GTF3C1: variants seen among roughly 807,000 people sequenced by gnomAD.
GTF3C1 encodes general transcription factor 3C polypeptide 1.
Under a neutral mutation model 226.7 loss-of-function variants are expected in GTF3C1, and 57 were observed. The ratio of observed to expected loss-of-function variants is 0.25; its 90% CI spans 0.20 to 0.31. The LOEUF (loss-of-function observed/expected upper bound fraction) is 0.31, where lower values mean the gene tolerates loss of function less well. Among genes scored for constraint, GTF3C1 ranks in the 10% least tolerant of loss-of-function variants. GTF3C1 has a pLI of 1.00. For missense variants in GTF3C1, 2,217 were observed against 2,776.1 expected (o/e 0.80, Z 4.53); for synonymous variants, 1,090 against 1,084.8 (o/e 1.00, Z -0.09).
chr16:27,509,790 CCTCTTT>C (rs2088546395), intron 7 of GTF3C1, among the ~76,000 whole-genome samples: 1 of 151,320 alleles, frequency 6.6e-6, no homozygotes, highest in African/African-American at 2.4e-5. Context: ...GAAGTATCTT[CCTCTTT>C]ATTTCCTGAT....
chr16:27,462,628 A>G lies in GTF3C1; in HGVS notation c.5925-142T>C. The stretch of plus-strand genomic sequence containing the variant: ...AGCCACCTCTTGCTCTCTGCTTTCC[A>G]AACTCCCTGCTTCTCTCCTGTCTGG... On this transcript the variant is annotated intron_variant, in intron 35 of 36. Transcript: ENST00000356183. This position sits in a 1 kb window ranked among gnomAD's most constrained non-coding sequence, Gnocchi z 4.5. 1.6e-6 allele frequency: 1 copy of G among 635,636 alleles called. No individual in the cohort carries two copies. The allele number at this position is 635,636 out of a possible 1,614,324, so 39.4% of individuals were successfully genotyped here.
At chr16:27,489,017 T>A in intron 21 of GTF3C1, 26 bp downstream of exon 21, 1 of 1,607,880 alleles carries the variant, frequency 6.2e-7, no homozygotes, top group South Asian at 1.1e-5. Context: ...CCCCTGAGAT[T>A]GTAGTCCGGT....
intron 1 of GTF3C1, among the ~76,000 whole-genome samples, 175 bp downstream of exon 1, chr16:27,549,495 G>A (rs959824589): frequency 6.6e-6 from 1 of 151,890 alleles, no homozygotes; most frequent in African/African-American, 2.4e-5. Context: ...TCGGACTCCA[G>A]GGCCCTGCCA....
rs926995584 is a variant in GTF3C1 at position 27,464,624 on chromosome 16, G to A, written c.5568C>T (p.Ser1856=). Residue 1856 remains serine, a synonymous_variant, in exon 34 of 37, where the codon AGC becomes AGT. Transcript: ENST00000356183. ...TGGCGCGCCTCTTGGTGCCCCGGGG[G>A]CTGTGAGAAGGAGGTGCCTGCCCCT... The part of the protein sequence containing the change: ...PPEGQAPPSH[S]PRGTKRRASW... 1.9e-5 allele frequency: 28 copies of A among 1,507,366 alleles called. No individual in the cohort carries two copies. The highest frequency in any genetic ancestry group is 8.0e-6 in the Non-Finnish European group (9 of 1,128,790). 93.4% of individuals were successfully genotyped at this position (1,507,366 alleles called of 1,614,324 possible). A position where few individuals can be genotyped will look rare whatever the true frequency, so the allele number is the denominator to read the frequency against.
In GTF3C1 at chr16:27,469,295, G is replaced by T; in HGVS notation, c.5070C>A (p.Pro1690=). 1 of 1,559,676 alleles carries T rather than the reference G, an allele frequency of 6.4e-7. No homozygotes were observed. The highest frequency in any genetic ancestry group is 1.2e-5 in the South Asian group (1 of 85,002). The change falls in exon 32 of 37, where the codon CCC becomes CCA. Residue 1690 remains proline, a synonymous_variant. Transcript: ENST00000356183. This position sits in a 1 kb window ranked among gnomAD's most constrained non-coding sequence, Gnocchi z 4.5. ...AGCACCAGCAGGAGCACTCACCAGCGGGCCTGAGCCGGGCGGGCACAGGGG... is the reference window on the plus strand; with the variant it reads ...AGCACCAGCAGGAGCACTCACCAGCTGGCCTGAGCCGGGCGGGCACAGGGG... ...RCTPVPARLR[P]AAAPLEELTM... is the part of the protein sequence containing the mutation.
intron 6 of GTF3C1, among the ~76,000 whole-genome samples, chr16:27,514,041 C>G (rs2088617161): frequency 6.6e-6 from 1 of 152,188 alleles, no homozygotes; most frequent in African/African-American, 2.4e-5. Context: ...GCCTGGAACT[C>G]AGGAGATGCC....
chr16:27,532,325 G>A (rs905025353), intron 5 of GTF3C1, among the ~76,000 whole-genome samples: 3 of 152,154 alleles, frequency 2.0e-5, no homozygotes, highest in Non-Finnish European at 2.9e-5. Context: ...TCGATGCAAC[G>A]TGGGGAAAGA....
intron 32 of GTF3C1, among the ~76,000 whole-genome samples, chr16:27,468,547 G>C (rs531346558): frequency 1.2e-3 from 177 of 152,320 alleles, no homozygotes; most frequent in African/African-American, 4.1e-3. Flanking sequence ...AAGAGCTAGA[G>C]ATGACAGTGA....
Position 27,486,076 on chromosome 16 carries a change from C to A in GTF3C1, c.3779G>T (p.Arg1260Leu). The A allele has an allele frequency of 6.2e-7, 1 of 1,609,078 alleles. No homozygotes were observed. The highest frequency in any genetic ancestry group is 8.5e-7 in the Non-Finnish European group (1 of 1,175,498). ...ADQSALQRMTRLRVTWSMQED... is the reference protein window; with the variant it reads ...ADQSALQRMTLLRVTWSMQED... ...CTGCATAGACCAGGTGACACGAAGC[C>A]GCGTCATCCGCTGCAGGGCACTCTG... Residue 1260 changes from arginine to leucine, a missense_variant, in exon 24 of 37, where the codon CGG (arginine) becomes CTG (leucine). Physicochemically the swap from Arg to Leu is moderately radical, Grantham distance 102 (BLOSUM62 -2). Around this residue, in one of 12 missense-constraint regions of GTF3C1, gnomAD observed 546 missense variants for 663.0 expected, o/e 0.82. Coordinates refer to ENST00000356183, the MANE Select transcript of GTF3C1 (RefSeq NM_001520.4).
rs925872245 is a variant in GTF3C1 at position 27,549,543 on chromosome 16, C to T, written c.221+127G>A. On this transcript the variant is annotated intron_variant, in intron 1 of 36. Coordinates refer to ENST00000356183, the MANE Select transcript of GTF3C1 (RefSeq NM_001520.4). ...CCCAGATTAGCCTTACCGCCGTGCC[C>T]CAACTCAATCAACAGGCCTCCGGTA... 17 of 643,632 alleles carry T rather than the reference C, an allele frequency of 2.6e-5. No homozygotes were observed. In the Admixed American group the frequency reaches 3.2e-4, roughly 12 times the overall value. 39.9% of individuals were successfully genotyped at this position (643,632 alleles called of 1,614,324 possible).
At chr16:27,543,148 G>A (rs1039577880) in intron 2 of GTF3C1, among the ~76,000 whole-genome samples, 1 of 152,224 alleles carries the variant, frequency 6.6e-6, no homozygotes, top group African/African-American at 2.4e-5. Context: ...CACTTTGGGA[G>A]GCCAAGGCGG....
Position 27,464,113 on chromosome 16 carries a change from G to A in GTF3C1, c.5872+207C>T. On this transcript the variant is annotated intron_variant, in intron 34 of 36. Transcript: ENST00000356183. ...TCTGGAACTCACAGTGCTGCCTGGG[G>A]ATGTGGGAGGCCTGCCCTCCCCTGG... The A allele has an allele frequency of 6.6e-6, 3 of 453,962 alleles. No individual in the cohort carries two copies. In the Admixed American group the frequency reaches 1.3e-4, roughly 19 times the overall value. The allele number at this position is 453,962 out of a possible 1,614,324, so 28.1% of individuals were successfully genotyped here. A position where few individuals can be genotyped will look rare whatever the true frequency, so the allele number is the denominator to read the frequency against.
intron 5 of GTF3C1, among the ~76,000 whole-genome samples, chr16:27,530,152 G>A (rs2088894699): frequency 6.6e-6 from 1 of 152,132 alleles, no homozygotes; most frequent in Non-Finnish European, 1.5e-5. Context: ...AAATGTCTGT[G>A]GGCTGCCGCC....
intron 1 of GTF3C1, among the ~76,000 whole-genome samples, chr16:27,548,082 C>A (rs887693051): frequency 6.6e-6 from 1 of 152,096 alleles, no homozygotes; most frequent in Non-Finnish European, 1.5e-5. Context: ...TTACCCATCT[C>A]CTAAGGTTTC....
chr16:27,502,808 A>G (rs1371141488), intron 11 of GTF3C1, 51 bp downstream of exon 11: 2 of 1,542,370 alleles, frequency 1.3e-6, no homozygotes, highest in Non-Finnish European at 1.8e-6. Flanking sequence ...AACTGGTAGG[A>G]GGATTACTGT....
Position 27,489,735 on chromosome 16 carries a change from G to A in GTF3C1, c.3160C>T (p.Arg1054Cys), listed in dbSNP as rs767721171. The change falls in exon 20 of 37, where the codon CGC (arginine) becomes TGC (cysteine). Residue 1054 changes from arginine to cysteine, a missense_variant. By Grantham distance (180) the Arg-to-Cys change is radical. Around this residue, in one of 12 missense-constraint regions of GTF3C1, gnomAD observed 353 missense variants for 411.7 expected, o/e 0.86. Transcript: ENST00000356183. The part of the protein sequence containing the change: ...VCLNTPLGVV[R>C]CPRVRKNSST... ...CTGTTCTTCCTGACGCGCGGGCAGC[G>A]CACCACGCCTGGAAAACCAAACATC... The A allele has an allele frequency of 5.0e-6, 8 of 1,610,894 alleles. No individual in the cohort carries two copies. Among genetic ancestry groups the A allele is most frequent in the East Asian group, 2.2e-5 (1 of 44,860 alleles).
chr16:27,535,751 C>T (rs759273710), intron 4 of GTF3C1, among the ~76,000 whole-genome samples: 2 of 151,810 alleles, frequency 1.3e-5, no homozygotes, highest in Non-Finnish European at 2.9e-5. Flanking sequence ...TAGCTGGGCG[C>T]GGTGGTGCAT....
chr16:27,534,654 C>T (rs1206524703), intron 4 of GTF3C1, among the ~76,000 whole-genome samples: 1 of 152,258 alleles, frequency 6.6e-6, no homozygotes, highest in Admixed American at 6.5e-5. Flanking sequence ...TCCTACCCCA[C>T]AGCTGCCACC....
intron 28 of GTF3C1, among the ~76,000 whole-genome samples, chr16:27,477,378 C>G (rs1465767945): frequency 6.6e-6 from 1 of 151,950 alleles, no homozygotes; most frequent in Non-Finnish European, 1.5e-5. Context: ...GTGATCTCAG[C>G]TCACTGCAAC....
Sources: allele counts gnomAD v4.1 joint callset (sites outside exome capture counted in the v4.1 genomes callset), GRCh38; gene constraint gnomAD v4.1.1; regional missense constraint gnomAD v4.1.1; non-coding constraint Gnocchi (gnomAD v3.1); transcripts MANE v1.5; gene names NCBI Gene and HGNC (gene_info 2026-07-23, HGNC 2026-07-21).